SLCO1A2: variants seen among roughly 807,000 people sequenced by gnomAD.
SLCO1A2 encodes the protein OATP-1.
Under a neutral mutation model 69.0 loss-of-function variants are expected in SLCO1A2, and 67 were observed. That is an observed-to-expected ratio of 0.97 (90% CI 0.80 to 1.19). The LOEUF is 1.19. Ranked by LOEUF, SLCO1A2 falls within the 50% of genes most tolerant of loss-of-function variation. The pLI, the probability that SLCO1A2 is intolerant of heterozygous loss-of-function variation, is 0.00. For missense variants in SLCO1A2, 787 were observed against 793.7 expected, an observed-to-expected ratio of 0.99 and a Z score of 0.10; for synonymous variants, 260 against 265.9, an observed-to-expected ratio of 0.98 and a Z score of 0.22.
chr12:21,350,749 A>C (rs536008472), intron 2 of SLCO1A2, among the ~76,000 whole-genome samples: 19 of 142,900 alleles, frequency 1.3e-4, no homozygotes, highest in African/African-American at 4.6e-4. Context: ...AGGCAGGGGA[A>C]TCACTTGAAC....
chr12:21,360,543 G>A (rs1938759337), intron 2 of SLCO1A2, among the ~76,000 whole-genome samples: 1 of 152,198 alleles, frequency 6.6e-6, no homozygotes, highest in Non-Finnish European at 1.5e-5. Context: ...TCATCTCACT[G>A]GGGCTTGCCA....
At chr12:21,384,407 G>A (rs189867293) in intron 1 of SLCO1A2, among the ~76,000 whole-genome samples, 143 of 152,182 alleles carry the variant, frequency 9.4e-4, no homozygotes, top group Non-Finnish European at 1.6e-3. Flanking sequence ...CTAGAATTAC[G>A]AAATGCTTAA....
At chr12:21,297,026 C>A (rs1255538575) in intron 9 of SLCO1A2, among the ~76,000 whole-genome samples, 1 of 152,100 alleles carries the variant, frequency 6.6e-6, no homozygotes, top group Non-Finnish European at 1.5e-5. Context: ...AACATAGAAT[C>A]CTTGAACTGG....
intron 3 of SLCO1A2, among the ~76,000 whole-genome samples, chr12:21,317,578 G>A (rs1951038570): frequency 6.6e-6 from 1 of 152,106 alleles, no homozygotes; most frequent in Non-Finnish European, 1.5e-5. Flanking sequence ...CCTTCCGTTA[G>A]ATTATGAGCT....
chr12:21,280,678 C>CAAA lies in SLCO1A2; in HGVS notation c.1611-5257_1611-5255dup, dbSNP rs71444113. Reference sequence around the variant, plus strand: ...TCAGCATTGGACAGATCTTCCAGACCAAAAAAAAAAATAAATAAATAAACA... The same window carrying CAAA: ...TCAGCATTGGACAGATCTTCCAGACCAAAAAAAAAAAAAATAAATAAATAAACA... On this transcript the variant is annotated intron_variant, in intron 12 of 14. Coordinates refer to ENST00000683939, the MANE Select transcript of SLCO1A2 (RefSeq NM_001386879.1). Among the ~76,000 whole-genome samples, 309 of 129,316 alleles carry CAAA rather than the reference C, an allele frequency of 2.4e-3. 3 individuals are homozygous for CAAA. Among genetic ancestry groups the CAAA allele is most frequent in the African/African-American group, 8.7e-3 (289 of 33,392 alleles). 84.8% of individuals were successfully genotyped at this position (129,316 alleles called of 152,430 possible). A position where few individuals can be genotyped will look rare whatever the true frequency, so the allele number is the denominator to read the frequency against.
intron 13 of SLCO1A2, chr12:21,274,999 T>G (rs1244460594): frequency 9.8e-6 from 10 of 1,023,604 alleles, no homozygotes; most frequent in Non-Finnish European, 1.2e-5. Context: ...CTTTGTGTGC[T>G]GCATTCTCAT....
intron 4 of SLCO1A2, among the ~76,000 whole-genome samples, chr12:21,314,008 AAG>A (rs1178132542): frequency 6.6e-6 from 1 of 151,604 alleles, no homozygotes; most frequent in Non-Finnish European, 1.5e-5. Context: ...AAAAAAAAGA[AAG>A]AAATTGGTGG....
Position 21,297,420 on chromosome 12 carries a change from A to G in SLCO1A2, c.1059T>C (p.Asp353=), listed in dbSNP as rs777364427. ...LEQQYGISSS[D]AIFLMGIYNL... is the part of the protein sequence containing the mutation. ...CAAACATACCCATTAGAAAGATTGC[A>G]TCTGAAGATGATATTCCATATTGCT... is the stretch of plus-strand genomic sequence containing the variant. The change falls in exon 9 of 15, where the codon GAT becomes GAC. Residue 353 remains aspartate (D), a synonymous_variant. Coordinates refer to ENST00000683939, the MANE Select transcript of SLCO1A2 (RefSeq NM_001386879.1). 3.7e-6 allele frequency: 6 copies of G among 1,611,362 alleles called. No homozygotes were observed. Among genetic ancestry groups the G allele is most frequent in the Non-Finnish European group, 5.1e-6 (6 of 1,178,236 alleles).
intron 2 of SLCO1A2, 95 bp downstream of exon 2, chr12:21,334,493 G>T (rs770899732): frequency 9.5e-6 from 8 of 838,672 alleles, no homozygotes; most frequent in Non-Finnish European, 1.5e-5. Flanking sequence ...ATTAATATTA[G>T]ATCACTTCAT....
At position 21,314,574 on chromosome 12, in the gene SLCO1A2, A is replaced by T; in HGVS notation, c.310T>A (p.Ser104Thr). The change falls in exon 4 of 15, where the codon TCA (serine) becomes ACA (threonine). Residue 104 changes from serine to threonine, a missense_variant. Transcript: ENST00000683939. ...TGGTTCATGAGGAAATGAGGTAGTG[A>T]TTTTAAGAAACAGCCTAAGCCCATA... ...VVMGLGCFLK[S>T]LPHFLMNQYE... The T allele has an allele frequency of 6.2e-7, 1 of 1,614,140 alleles. No individual in the cohort carries two copies. The highest frequency in any genetic ancestry group is 8.5e-7 in the Non-Finnish European group (1 of 1,179,986).
upstream of SLCO1A2, among the ~76,000 whole-genome samples, chr12:21,396,978 A>C (rs1224387546): frequency 3.3e-5 from 5 of 152,016 alleles, no homozygotes; most frequent in South Asian, 2.1e-4. Context: ...CGAGCAAAAT[A>C]ACCAGCTAAC....
rs760244356 is a variant in SLCO1A2, at chr12:21,300,530, C to A, written c.728G>T (p.Gly243Val). 1.2e-6 allele frequency: 2 copies of A among 1,613,106 alleles called. No homozygotes were observed. The highest frequency in any genetic ancestry group is 2.2e-5 in the South Asian group (2 of 90,944). ...AATCAGAAAGCCAAACCACCATGCACCGACCCAACGAGTGTCAGTGGGAGT... is the reference window on the plus strand; with the variant it reads ...AATCAGAAAGCCAAACCACCATGCAACGACCCAACGAGTGTCAGTGGGAGT... ...IITPTDTRWV[G>V]AWWFGFLICA... Residue 243 changes from glycine (G) to valine (V), a missense_variant, in exon 8 of 15, where the codon GGT becomes GTT. Physicochemically the swap from Gly to Val is moderately radical, Grantham distance 109 (BLOSUM62 -3). Coordinates refer to ENST00000683939, the MANE Select transcript of SLCO1A2 (RefSeq NM_001386879.1).
chr12:21,384,565 G>A (rs1295123697), intron 1 of SLCO1A2, among the ~76,000 whole-genome samples: 1 of 152,024 alleles, frequency 6.6e-6, no homozygotes, highest in Non-Finnish European at 1.5e-5. Context: ...AGCATATCTG[G>A]TAAGTTTATC....
At chr12:21,299,892 A>ATATATATATATATACGTG (rs1565482562) in intron 8 of SLCO1A2, among the ~76,000 whole-genome samples, 1 of 14,854 alleles carries the variant, frequency 6.7e-5, no homozygotes, top group East Asian at 1.7e-3. Context: ...ATATACGTGT[A>ATATATATATATATACGTG]TATATATATA....
At chr12:21,375,430 T>C (rs1022343941) in intron 1 of SLCO1A2, among the ~76,000 whole-genome samples, 2 of 152,200 alleles carry the variant, frequency 1.3e-5, no homozygotes, top group African/African-American at 4.8e-5. Context: ...TTTAAACTCT[T>C]TTTAAAAAAT....
chr12:21,370,572 G>A (rs1190444815), intron 2 of SLCO1A2, among the ~76,000 whole-genome samples: 7 of 148,234 alleles, frequency 4.7e-5, no homozygotes, highest in African/African-American at 1.5e-4. Flanking sequence ...GAGTGAGAAC[G>A]TGCAGTGTTT....
chr12:21,315,420 A>G (rs1202420900), intron 3 of SLCO1A2, among the ~76,000 whole-genome samples: 8 of 152,210 alleles, frequency 5.3e-5, no homozygotes, highest in African/African-American at 1.4e-4. Context: ...TGGAATAAAG[A>G]TTTGAAAAAA....
intron 2 of SLCO1A2, among the ~76,000 whole-genome samples, chr12:21,347,669 A>AAAAGG (rs1555122069): frequency 3.5e-5 from 4 of 113,422 alleles, no homozygotes; most frequent in Non-Finnish European, 5.2e-5. Flanking sequence ...AGAAAGAAAG[A>AAAAGG]AAGGAAGGAA....
chr12:21,343,714 C>A (rs1211055000), intron 2 of SLCO1A2, among the ~76,000 whole-genome samples: 1 of 152,040 alleles, frequency 6.6e-6, no homozygotes, highest in African/African-American at 2.4e-5. Context: ...GATAACTAAT[C>A]CTCATCCTCC....
Sources: gnomAD v4.1 joint callset for allele counts (sites outside exome capture counted in the v4.1 genomes callset) on GRCh38, gnomAD v4.1.1 for gene constraint, MANE v1.5 for transcripts, NCBI Gene and HGNC (gene_info 2026-07-23, HGNC 2026-07-21) for gene names.